Variants in ABR observed in about 807,000 individuals in gnomAD.
The protein encoded by ABR is active breakpoint cluster region-related protein.
ABR carries 35 observed loss-of-function variants against 107.2 expected under a neutral mutation model. The observed-to-expected ratio is 0.33, with a 90% confidence interval of 0.25 to 0.43. The LOEUF is 0.43. Among genes scored for constraint, ABR ranks in the 20% least tolerant of loss-of-function variants. The pLI is 1.00. For synonymous variants in ABR, 498 were observed against 462.0 expected (o/e 1.08, Z -1.00); for missense variants, 815 against 1,115.2 (o/e 0.73, Z 3.83).
At chr17:1,054,563 A>G (rs149455069) in intron 14 of ABR, among the ~76,000 whole-genome samples, 17,792 of 21,222 alleles carry the variant, frequency 0.84, 7,723 homozygotes, top group East Asian at 0.95. Flanking sequence ...GGGGGCACAA[A>G]GAACCTGAGG....
intron 2 of ABR, among the ~76,000 whole-genome samples, chr17:1,107,415 G>T (rs1048941035): frequency 1.3e-5 from 2 of 152,236 alleles, no homozygotes; most frequent in Non-Finnish European, 2.9e-5. Context: ...CATGGTCCTG[G>T]TCCTCCAGGA....
intron 16 of ABR, among the ~76,000 whole-genome samples, chr17:1,042,596 G>A (rs2030803867): frequency 6.6e-6 from 1 of 150,382 alleles, no homozygotes; most frequent in South Asian, 2.1e-4. Context: ...TCCACAGACG[G>A]ATGGATGGAC....
At chr17:1,149,425 G>GTTT (rs34550378) in intron 1 of ABR, among the ~76,000 whole-genome samples, 27 of 130,450 alleles carry the variant, frequency 2.1e-4, no homozygotes, top group East Asian at 9.2e-4. Flanking sequence ...TCTGGTTTTA[G>GTTT]TTTTTTTTTT....
At chr17:1,063,883 A>T (rs1215779465) in intron 10 of ABR, among the ~76,000 whole-genome samples, 1 of 147,800 alleles carries the variant, frequency 6.8e-6, no homozygotes, top group African/African-American at 2.5e-5. Flanking sequence ...AGGGCTATGC[A>T]TGTTCCTCCA....
At position 1,054,745 on chromosome 17, in the gene ABR, G is replaced by GAGGGGATGGGGGCACAAGGAACCTC. The variant is rs1567663174; in HGVS notation, c.1561+1289_1561+1290insGAGGTTCCTTGTGCCCCCATCCCCT. Among the ~76,000 whole-genome samples, 12 of 49,732 alleles carry GAGGGGATGGGGGCACAAGGAACCTC rather than the reference G, an allele frequency of 2.4e-4. 5 individuals carry two copies. Among genetic ancestry groups the GAGGGGATGGGGGCACAAGGAACCTC allele is most frequent in the African/African-American group, 9.0e-4 (12 of 13,374 alleles). 32.6% of individuals were successfully genotyped at this position (49,732 alleles called of 152,430 possible). On this transcript the variant is annotated intron_variant, in intron 14 of 22. Coordinates refer to ENST00000302538, the MANE Select transcript of ABR (RefSeq NM_021962.5). ...GAGGGGATGGGGGCACAAGGAACCT[G>GAGGGGATGGGGGCACAAGGAACCTC]AGGGGATGTGGGCACAAAGAAGGGA...
chr17:1,029,298 C>T (rs1459734945), intron 16 of ABR, among the ~76,000 whole-genome samples: 2 of 152,012 alleles, frequency 1.3e-5, no homozygotes, highest in Non-Finnish European at 1.5e-5. Context: ...ACAAGAACAG[C>T]CCAACCACAG....
intron 16 of ABR, among the ~76,000 whole-genome samples, chr17:1,039,387 T>A (rs1157241661): frequency 6.6e-6 from 1 of 152,172 alleles, no homozygotes. Context: ...TGGAGGCAGC[T>A]GAGCAGGGCT....
intron 3 of ABR, among the ~76,000 whole-genome samples, 193 bp downstream of exon 3, chr17:1,100,444 G>A (rs553007753): frequency 2.0e-4 from 31 of 152,366 alleles, no homozygotes; most frequent in Admixed American, 1.3e-3. Flanking sequence ...GGAGCTGAGA[G>A]GCACAGGCCC....
Position 1,010,949 on chromosome 17 carries a change from C to T in ABR, c.2102-86G>A. 1 of 1,549,324 alleles carries T rather than the reference C, an allele frequency of 6.5e-7. No homozygotes were observed. Among genetic ancestry groups the T allele is most frequent in the Non-Finnish European group, 8.8e-7 (1 of 1,139,180 alleles). ...CGACCCATCCTGACACAGCCCCCAC[C>T]CACTCCAGCTCTGGTTCTGGTCTCC... On this transcript the variant is annotated intron_variant, in intron 19 of 22. Transcript: ENST00000302538. The surrounding 1 kb of genome is among the most constrained non-coding windows in gnomAD (Gnocchi z 4.1).
At chr17:1,167,135 T>A (rs1241393005) in intron 1 of ABR, among the ~76,000 whole-genome samples, 1 of 151,188 alleles carries the variant, frequency 6.6e-6, no homozygotes, top group Non-Finnish European at 1.5e-5. Context: ...CTTCTCGGGG[T>A]GAGGCAAAGC....
chr17:1,091,621 C>A, intron 4 of ABR, 44 bp downstream of exon 4: 1 of 1,587,536 alleles, frequency 6.3e-7, no homozygotes, highest in South Asian at 1.2e-5. Context: ...CTATGGGCTC[C>A]ACTGAGGCCC....
intron 1 of ABR, among the ~76,000 whole-genome samples, chr17:1,212,480 C>T (rs556965832): frequency 1.3e-5 from 2 of 152,124 alleles, no homozygotes; most frequent in African/African-American, 4.8e-5. Context: ...AGACGCCAGG[C>T]ACAGTGGTTC....
intron 1 of ABR, among the ~76,000 whole-genome samples, chr17:1,142,147 C>T (rs570666921): frequency 7.9e-5 from 12 of 152,260 alleles, no homozygotes; most frequent in Admixed American, 3.3e-4. Context: ...GGCTCCTACC[C>T]CAGGGATTGC....
intron 1 of ABR, among the ~76,000 whole-genome samples, chr17:1,198,287 C>T (rs954986425): frequency 3.3e-5 from 5 of 151,570 alleles, no homozygotes; most frequent in African/African-American, 7.3e-5. Context: ...ACCCCAACGT[C>T]GGTACACGTG....
intron 6 of ABR, among the ~76,000 whole-genome samples, chr17:1,075,947 C>T (rs556980178): frequency 6.6e-6 from 1 of 152,280 alleles, no homozygotes; most frequent in Non-Finnish European, 1.5e-5. Context: ...GAGGCTGAGG[C>T]AGGGGAATCT....
chr17:1,152,016 G>A (rs1258390709), intron 1 of ABR, among the ~76,000 whole-genome samples: 4 of 149,884 alleles, frequency 2.7e-5, no homozygotes, highest in South Asian at 2.1e-4. Flanking sequence ...TTAGCCAGGC[G>A]TGGTGGTGAG....
At chr17:1,130,826 C>T (rs1362121979) in intron 1 of ABR, among the ~76,000 whole-genome samples, 1 of 152,168 alleles carries the variant, frequency 6.6e-6, no homozygotes, top group Non-Finnish European at 1.5e-5. Flanking sequence ...GGGGCTGCCA[C>T]CAACCAAGGA....
At chr17:1,158,980 C>T (rs1402204729) in intron 1 of ABR, among the ~76,000 whole-genome samples, 3 of 152,082 alleles carry the variant, frequency 2.0e-5, no homozygotes, top group African/African-American at 2.4e-5. Flanking sequence ...TTGGGACTCA[C>T]AGTCCTCTGG....
At chr17:1,128,169 C>A (rs1265517979) in intron 1 of ABR, among the ~76,000 whole-genome samples, 1 of 152,160 alleles carries the variant, frequency 6.6e-6, no homozygotes, top group Non-Finnish European at 1.5e-5. Flanking sequence ...CATTTCTGCC[C>A]CCACAAAACC....
Sources: allele counts gnomAD v4.1 joint callset (sites outside exome capture counted in the v4.1 genomes callset), GRCh38; gene constraint gnomAD v4.1.1; non-coding constraint Gnocchi (gnomAD v3.1); transcripts MANE v1.5; gene names NCBI Gene and HGNC (gene_info 2026-07-23, HGNC 2026-07-21).